The following AP3B1 variants were observed in gnomAD, a reference collection of about 807,000 sequenced individuals.
AP3B1 encodes adaptor related protein complex 3 subunit beta 1.
Under a neutral mutation model 132.5 loss-of-function variants are expected in AP3B1, and 61 were observed. The ratio of observed to expected loss-of-function variants is 0.46; its 90% confidence interval spans 0.37 to 0.57. The LOEUF is 0.57. Among genes scored for constraint, AP3B1 ranks in the 20% least tolerant of loss-of-function variants. The pLI is 0.00. For synonymous variants in AP3B1, 388 were observed against 438.3 expected (o/e 0.89, Z 1.43); for missense variants, 1,120 against 1,289.4 (o/e 0.87, Z 2.01).
intron 20 of AP3B1, among the ~76,000 whole-genome samples, chr5:78,105,445 T>C (rs576227915): frequency 6.6e-6 from 1 of 152,240 alleles, no homozygotes; most frequent in East Asian, 1.9e-4. Flanking sequence ...AAGCAGAATA[T>C]AACTTAATTA....
chr5:78,259,734 A>T (rs550678801), intron 2 of AP3B1, among the ~76,000 whole-genome samples: 1 of 152,030 alleles, frequency 6.6e-6, no homozygotes, highest in Non-Finnish European at 1.5e-5. Flanking sequence ...TTGGGAGGCC[A>T]AGGTGGGCGG....
chr5:78,236,352 A>T (rs1403171016), intron 3 of AP3B1, among the ~76,000 whole-genome samples: 2 of 130,282 alleles, frequency 1.5e-5, no homozygotes, highest in Non-Finnish European at 3.3e-5. Flanking sequence ...ACTAAAACAT[A>T]AAAGAAAAAA....
intron 26 of AP3B1, among the ~76,000 whole-genome samples, chr5:78,013,435 T>C (rs948291322): frequency 2.0e-5 from 3 of 152,142 alleles, no homozygotes; most frequent in Non-Finnish European, 4.4e-5. Context: ...AAACAACCTA[T>C]ACACAAAACA....
intron 3 of AP3B1, among the ~76,000 whole-genome samples, 169 bp downstream of exon 3, chr5:78,240,693 A>T (rs761499964): frequency 7.2e-5 from 11 of 152,190 alleles, no homozygotes; most frequent in Non-Finnish European, 1.3e-4. Flanking sequence ...CAAAGCTAGG[A>T]TTGTGCCTAC....
intron 20 of AP3B1, among the ~76,000 whole-genome samples, chr5:78,103,969 G>A (rs1453092857): frequency 6.6e-6 from 1 of 151,790 alleles, no homozygotes; most frequent in Non-Finnish European, 1.5e-5. Flanking sequence ...TAAAAAAAAG[G>A]CAAATAGCAA....
At chr5:78,290,107 G>A (rs1206232746) in intron 1 of AP3B1, among the ~76,000 whole-genome samples, 1 of 152,172 alleles carries the variant, frequency 6.6e-6, no homozygotes, top group African/African-American at 2.4e-5. Flanking sequence ...CACAAAAGAG[G>A]CAAGTATTAT....
intron 26 of AP3B1, 151 bp from the exon 27 acceptor site, chr5:78,003,206 C>G: frequency 1.1e-6 from 1 of 902,732 alleles, no homozygotes; most frequent in South Asian, 1.7e-5. Flanking sequence ...GCCAAGCATT[C>G]TTCTGAAAAA....
downstream of AP3B1, chr5:78,000,577 C>T (rs1287361870): frequency 6.6e-6 from 1 of 152,048 alleles, no homozygotes; most frequent in Non-Finnish European, 1.5e-5. Context: ...TTGTTACAGT[C>T]TCTTTAGAAT....
chr5:78,095,732 T>C (rs1384053836), intron 21 of AP3B1, among the ~76,000 whole-genome samples: 1 of 152,178 alleles, frequency 6.6e-6, no homozygotes, highest in African/African-American at 2.4e-5. Flanking sequence ...TATTTATCTA[T>C]TACAGCACCT....
chr5:78,050,702 G>C (rs1170776281), intron 22 of AP3B1, among the ~76,000 whole-genome samples: 2 of 152,102 alleles, frequency 1.3e-5, no homozygotes, highest in Non-Finnish European at 2.9e-5. Flanking sequence ...ACTTATAAGT[G>C]TATTATTTTA....
At chr5:78,169,854 C>T (rs571929947) in intron 11 of AP3B1, among the ~76,000 whole-genome samples, 3 of 151,974 alleles carry the variant, frequency 2.0e-5, no homozygotes, top group Non-Finnish European at 4.4e-5. Context: ...TTTGCTGCAC[C>T]CAACAACTCG....
intron 2 of AP3B1, among the ~76,000 whole-genome samples, chr5:78,261,343 C>G (rs1203225202): frequency 2.0e-5 from 3 of 152,154 alleles, no homozygotes; most frequent in African/African-American, 7.2e-5. Flanking sequence ...TTTCCATTTT[C>G]CTAATAATTA....
At chr5:78,176,557 T>C (rs1160177612) in intron 9 of AP3B1, among the ~76,000 whole-genome samples, 2 of 152,180 alleles carry the variant, frequency 1.3e-5, no homozygotes, top group South Asian at 2.1e-4. Flanking sequence ...ATGAAAAACA[T>C]TGTTTCAAAT....
chr5:78,213,820 A>G (rs193118916), intron 7 of AP3B1, among the ~76,000 whole-genome samples: 4 of 152,368 alleles, frequency 2.6e-5, no homozygotes, highest in Admixed American at 2.0e-4. Flanking sequence ...AATAATAGGA[A>G]TCAAATTAGC....
intron 2 of AP3B1, among the ~76,000 whole-genome samples, chr5:78,256,437 A>G (rs1747851298): frequency 6.6e-6 from 1 of 152,142 alleles, no homozygotes; most frequent in Non-Finnish European, 1.5e-5. Flanking sequence ...ACAAATTCCT[A>G]GATACATACA....
chr5:78,079,418 T>A (rs751037482), intron 22 of AP3B1, among the ~76,000 whole-genome samples: 1 of 152,136 alleles, frequency 6.6e-6, no homozygotes, highest in Admixed American at 6.6e-5. Flanking sequence ...GTTTGCACCA[T>A]CTAAGAAGCA....
intron 26 of AP3B1, among the ~76,000 whole-genome samples, chr5:78,007,670 C>T (rs542895988): frequency 6.6e-6 from 1 of 152,268 alleles, no homozygotes; most frequent in African/African-American, 2.4e-5. Context: ...ATTTGGAGCG[C>T]TATCTGCCAA....
chr5:78,064,121 A>G (rs986075468), intron 22 of AP3B1, among the ~76,000 whole-genome samples: 1 of 151,322 alleles, frequency 6.6e-6, no homozygotes, highest in African/African-American at 2.4e-5. Flanking sequence ...TTTGCCATTT[A>G]AAAAGATCAT....
chr5:78,043,828 G>C, intron 22 of AP3B1: 1 of 366,898 alleles, frequency 2.7e-6, no homozygotes, highest in Non-Finnish European at 5.4e-6. Flanking sequence ...TTTAGTACCA[G>C]GGAATACACC....
Sources: gnomAD v4.1 joint callset for allele counts (sites outside exome capture counted in the v4.1 genomes callset) on GRCh38, gnomAD v4.1.1 for gene constraint, MANE v1.5 for transcripts, NCBI Gene and HGNC (gene_info 2026-07-23, HGNC 2026-07-21) for gene names.